SCFD1: variants seen among roughly 807,000 people sequenced by gnomAD.
The protein encoded by SCFD1 is sec1 family domain-containing protein 1.
Under a neutral mutation model 103.2 loss-of-function variants are expected in SCFD1, and 37 were observed. The observed-to-expected ratio is 0.36, with a 90% CI of 0.28 to 0.47. The LOEUF (loss-of-function observed/expected upper bound fraction) is 0.47. SCFD1 is among the 20% of genes least tolerant of loss of function. SCFD1 has a pLI of 1.00. For synonymous variants in SCFD1, 264 were observed against 245.0 expected, an observed-to-expected ratio of 1.08 and a Z score of -0.73; for missense variants, 639 against 761.2, an observed-to-expected ratio of 0.84 and a Z score of 1.89.
At chr14:30,643,907 T>C (rs1203131595) in intron 7 of SCFD1, 4 of 455,320 alleles carry the variant, frequency 8.8e-6, no homozygotes, top group Non-Finnish European at 1.8e-5. Flanking sequence ...GCAAGTTTGT[T>C]ACATGGGTAA....
intron 10 of SCFD1, 142 bp downstream of exon 10, chr14:30,653,730 T>C (rs112115690): frequency 1.1e-5 from 6 of 545,970 alleles, no homozygotes; most frequent in African/African-American, 7.7e-5. Context: ...TGATGGGATT[T>C]GGTATTACTG....
chr14:30,671,417 A>T (rs962679333), intron 11 of SCFD1, among the ~76,000 whole-genome samples: 2 of 152,110 alleles, frequency 1.3e-5, no homozygotes, highest in African/African-American at 2.4e-5. Context: ...AAGTACAAGA[A>T]ATTACTTTTA....
chr14:30,735,621 C>G lies in SCFD1; in HGVS notation c.*12C>G. Reference sequence around the variant, plus strand: ...TTGGACAAAAGTAACACAGAAGAACCTTACTATGATAATCTACTTGGAATG... The same window carrying G: ...TTGGACAAAAGTAACACAGAAGAACGTTACTATGATAATCTACTTGGAATG... On this transcript the variant is annotated 3_prime_UTR_variant, in exon 25 of 25. Coordinates refer to ENST00000458591, the MANE Select transcript of SCFD1 (RefSeq NM_016106.4). The G allele has an allele frequency of 6.3e-7, 1 of 1,581,266 alleles. No homozygotes were observed. The highest frequency in any genetic ancestry group is 8.6e-7 in the Non-Finnish European group (1 of 1,157,024).
At chr14:30,684,711 C>T (rs1259822051) in intron 14 of SCFD1, among the ~76,000 whole-genome samples, 1 of 147,064 alleles carries the variant, frequency 6.8e-6, no homozygotes, top group Non-Finnish European at 1.5e-5. Context: ...AGAATGTTCC[C>T]CTTTTACTCA....
chr14:30,724,631 T>G (rs1892917166), intron 23 of SCFD1, among the ~76,000 whole-genome samples: 1 of 152,166 alleles, frequency 6.6e-6, no homozygotes, highest in Non-Finnish European at 1.5e-5. Context: ...TGCACAAACT[T>G]TCTACCATCC....
intron 20 of SCFD1, among the ~76,000 whole-genome samples, chr14:30,717,208 G>A (rs781260877): frequency 1.1e-4 from 16 of 152,196 alleles, no homozygotes; most frequent in Non-Finnish European, 1.9e-4. Flanking sequence ...AGGCATGTTT[G>A]CTTATGCCTG....
chr14:30,660,868 A>C (rs1246537928), intron 10 of SCFD1, among the ~76,000 whole-genome samples: 1 of 152,062 alleles, frequency 6.6e-6, no homozygotes, highest in Non-Finnish European at 1.5e-5. Flanking sequence ...TAACCCCATC[A>C]GTCTTTGATA....
intron 10 of SCFD1, among the ~76,000 whole-genome samples, chr14:30,657,682 C>T (rs998500645): frequency 6.6e-6 from 1 of 152,140 alleles, no homozygotes; most frequent in African/African-American, 2.4e-5. Context: ...ATTATAATCA[C>T]AAAAATTTTT....
intron 7 of SCFD1, chr14:30,644,137 GACCTCCAGCT>G (rs1284991033): frequency 2.8e-6 from 1 of 351,812 alleles, no homozygotes; most frequent in African/African-American, 2.1e-5. Flanking sequence ...TTAGAATAAT[GACCTCCAGCT>G]ATATCTATGT....
chr14:30,705,099 T>C (rs1051682323), intron 17 of SCFD1, among the ~76,000 whole-genome samples: 3 of 152,208 alleles, frequency 2.0e-5, no homozygotes, highest in African/African-American at 7.2e-5. Context: ...TCTGGACATT[T>C]AGAAAGAGTT....
chr14:30,733,661 C>T (rs1340338389), intron 23 of SCFD1, among the ~76,000 whole-genome samples: 1 of 152,158 alleles, frequency 6.6e-6, no homozygotes, highest in Non-Finnish European at 1.5e-5. Context: ...CTACGATAAA[C>T]CAGGGGGCAA....
chr14:30,683,268 A>G, intron 14 of SCFD1: 2 of 1,029,934 alleles, frequency 1.9e-6, no homozygotes, highest in South Asian at 1.6e-5. Flanking sequence ...GGCATATGTT[A>G]CCCTGGGTGT....
rs368779059 is a variant in SCFD1, at chr14:30,653,481, A to G, written c.756-8A>G. 1.0e-5 allele frequency: 16 copies of G among 1,588,332 alleles called. No individual in the cohort carries two copies. In the South Asian group the frequency reaches 1.6e-4, roughly 15 times the overall value. ...AGTTATGTAATTTTTTTATATGTAT[A>G]TTTACAGCTTCCAGAGGCCCTTATT... On this transcript the variant is annotated splice_region_variant and splice_polypyrimidine_tract_variant and intron_variant, in intron 9 of 24. Transcript: ENST00000458591.
intron 7 of SCFD1, among the ~76,000 whole-genome samples, chr14:30,646,925 G>A (rs371990277): frequency 2.0e-5 from 3 of 151,942 alleles, no homozygotes; most frequent in South Asian, 2.1e-4. Context: ...AGTCTCTGAC[G>A]GTTTTTTATA....
chr14:30,730,007 G>A (rs544642332), intron 23 of SCFD1, among the ~76,000 whole-genome samples: 15 of 152,016 alleles, frequency 9.9e-5, no homozygotes, highest in African/African-American at 2.2e-4. Context: ...TTCTCTCCCC[G>A]CTTCCCTTAC....
At chr14:30,622,718 A>C (rs1882980051) in intron 1 of SCFD1, among the ~76,000 whole-genome samples, 1 of 152,130 alleles carries the variant, frequency 6.6e-6, no homozygotes, top group Non-Finnish European at 1.5e-5. Flanking sequence ...GCCACCTATG[A>C]GGTCTCCGAG....
chr14:30,735,186 T>C (rs964009318), intron 24 of SCFD1: 1 of 289,676 alleles, frequency 3.5e-6, no homozygotes, highest in African/African-American at 2.2e-5. Flanking sequence ...TTAGCACTAA[T>C]TTTTTTAATT....
chr14:30,712,598 C>T (rs1891963631), intron 19 of SCFD1, among the ~76,000 whole-genome samples: 1 of 151,888 alleles, frequency 6.6e-6, no homozygotes, highest in Non-Finnish European at 1.5e-5. Flanking sequence ...TTTCCGGTGA[C>T]TAAAATCATA....
At chr14:30,652,626 A>G (rs1174002407) in intron 9 of SCFD1, among the ~76,000 whole-genome samples, 1 of 152,182 alleles carries the variant, frequency 6.6e-6, no homozygotes, top group Non-Finnish European at 1.5e-5. Flanking sequence ...TTTTACAGAA[A>G]CATCAAAAAC....
Sources: gnomAD v4.1 joint callset for allele counts (sites outside exome capture counted in the v4.1 genomes callset) on GRCh38, gnomAD v4.1.1 for gene constraint, MANE v1.5 for transcripts, NCBI Gene and HGNC (gene_info 2026-07-23, HGNC 2026-07-21) for gene names.